TMEM181: variants seen among roughly 807,000 people sequenced by gnomAD.
The protein encoded by TMEM181 is G protein-coupled receptor 178.
TMEM181 carries 39 observed loss-of-function variants against 71.9 expected under a neutral mutation model. The observed-to-expected ratio is 0.54, with a 90% CI of 0.42 to 0.71. The LOEUF (loss-of-function observed/expected upper bound fraction) is 0.71, where lower values mean the gene tolerates loss of function less well. TMEM181 is among the 30% of genes least tolerant of loss of function. The pLI, the probability that TMEM181 is intolerant of heterozygous loss-of-function variation, is 0.00. For synonymous variants in TMEM181, 245 were observed against 228.8 expected, an observed-to-expected ratio of 1.07 and a Z score of -0.64; for missense variants, 595 against 583.0, an observed-to-expected ratio of 1.02 and a Z score of -0.21.
intron 6 of TMEM181, among the ~76,000 whole-genome samples, chr6:158,593,128 C>T (rs147582926): frequency 3.3e-3 from 507 of 152,246 alleles, no homozygotes; most frequent in African/African-American, 0.011. Context: ...GAAGTAGAAA[C>T]ATACACAGTG....
At position 158,615,075 on chromosome 6, in the gene TMEM181, A is replaced by G. The variant is rs144001241; in HGVS notation, c.896+6325A>G. On this transcript the variant is annotated intron_variant, in intron 10 of 16. Transcript: ENST00000684151. ...GAGGAATTGCCACACTGTCTTCCAC[A>G]ACGGTTGAACTAGTTTACACTCCCA... Among the ~76,000 whole-genome samples, 68 of 152,282 alleles carry G rather than the reference A, an allele frequency of 4.5e-4. 1 individual carries two copies. The East Asian group carries it at 0.013, about 28-fold the overall frequency.
At position 158,633,655 on chromosome 6, in the gene TMEM181, T is replaced by C. The variant is rs1423695207; in HGVS notation, c.*1767T>C. 6.6e-6 allele frequency: 1 copy of C among 152,242 alleles called. No homozygotes were observed. Among genetic ancestry groups the C allele is most frequent in the Non-Finnish European group, 1.5e-5 (1 of 68,040 alleles). 9.4% of individuals were successfully genotyped at this position (152,242 alleles called of 1,614,324 possible). A position where few individuals can be genotyped will look rare whatever the true frequency, so the allele number is the denominator to read the frequency against. On this transcript the variant is annotated 3_prime_UTR_variant, in exon 17 of 17. Coordinates refer to ENST00000684151, the MANE Select transcript of TMEM181 (RefSeq NM_001376852.1). ...ATTTGTTATGACTTTCCTTTGTATC[T>C]TTCCTTTTAATTTAAACTTTAATGA... is the stretch of plus-strand genomic sequence containing the variant.
chr6:158,550,236 G>A (rs1781674546), intron 1 of TMEM181, among the ~76,000 whole-genome samples: 1 of 151,680 alleles, frequency 6.6e-6, no homozygotes, highest in Non-Finnish European at 1.5e-5. Context: ...TAAGAGACAG[G>A]GTTTCACCAT....
intron 2 of TMEM181, among the ~76,000 whole-genome samples, chr6:158,574,679 A>G (rs1423413385): frequency 6.6e-6 from 1 of 152,238 alleles, no homozygotes; most frequent in Non-Finnish European, 1.5e-5. Context: ...CTTTCCATAC[A>G]GTACTCTATT....
chr6:158,537,178 CG>C (rs1316328396), intron 1 of TMEM181, among the ~76,000 whole-genome samples: 1 of 152,032 alleles, frequency 6.6e-6, no homozygotes, highest in Non-Finnish European at 1.5e-5. Context: ...AAAGGAGCTG[CG>C]GGTTGTGGCT....
At chr6:158,587,481 T>A (rs1315448359) in intron 5 of TMEM181, among the ~76,000 whole-genome samples, 2 of 152,172 alleles carry the variant, frequency 1.3e-5, no homozygotes, top group African/African-American at 4.8e-5. Flanking sequence ...CAGAGATATT[T>A]ACCACCCTCT....
intron 1 of TMEM181, among the ~76,000 whole-genome samples, chr6:158,539,876 C>A (rs1388855387): frequency 1.3e-5 from 2 of 152,138 alleles, no homozygotes; most frequent in Non-Finnish European, 2.9e-5. Flanking sequence ...CTGGACAATC[C>A]GTTTCCACAT....
intron 10 of TMEM181, chr6:158,611,716 TG>T (rs1435927428): frequency 8.4e-6 from 2 of 238,918 alleles, no homozygotes; most frequent in Non-Finnish European, 1.7e-5. Context: ...CGGGGAGGAA[TG>T]TAAGAGTTAA....
intron 1 of TMEM181, among the ~76,000 whole-genome samples, chr6:158,570,103 T>C (rs1296404235): frequency 6.6e-6 from 1 of 152,138 alleles, no homozygotes; most frequent in Non-Finnish European, 1.5e-5. Context: ...GTCTTGGGAC[T>C]GTGGCTGCCC....
chr6:158,585,310 C>T lies in TMEM181; in HGVS notation c.266C>T (p.Ser89Phe). 6.2e-7 allele frequency: 1 copy of T among 1,601,252 alleles called. No individual in the cohort carries two copies. The highest frequency in any genetic ancestry group is 8.5e-7 in the Non-Finnish European group (1 of 1,175,716). The change falls in exon 5 of 17, where the codon TCT (serine) becomes TTT (phenylalanine). Residue 89 changes from serine to phenylalanine, a missense_variant. Transcript: ENST00000684151. ...GAATTTTTTTCTTTTGTAGAAACTT[C>T]TATTAAGACAAGCTTTCCCATGACT... ...VVELDQSKET[S>F]IKTSFPMTVK...
chr6:158,569,799 C>T (rs1210419989), intron 1 of TMEM181, among the ~76,000 whole-genome samples: 1 of 152,102 alleles, frequency 6.6e-6, no homozygotes, highest in African/African-American at 2.4e-5. Flanking sequence ...GGGGTTTCAC[C>T]ATGTTGGCCA....
chr6:158,582,453 A>G (rs528550477), intron 3 of TMEM181, among the ~76,000 whole-genome samples: 3 of 152,320 alleles, frequency 2.0e-5, no homozygotes, highest in South Asian at 4.1e-4. Context: ...ACACAAAAAC[A>G]CATTCACTTG....
chr6:158,574,526 C>T (rs1562629497), intron 2 of TMEM181, among the ~76,000 whole-genome samples: 2 of 152,132 alleles, frequency 1.3e-5, no homozygotes, highest in Admixed American at 6.5e-5. Context: ...CCTCAGCCAC[C>T]TTCTGTTATT....
At chr6:158,559,990 C>A (rs901129165), upstream of TMEM181, 44 of 940,330 alleles carry the variant, frequency 4.7e-5, no homozygotes, top group Admixed American at 1.2e-4. Flanking sequence ...AGGAGGGCCA[C>A]CCCCCTCGCC....
chr6:158,629,600 T>C (rs36092159), intron 14 of TMEM181, 130 bp from the exon 15 acceptor site: 109,304 of 719,382 alleles, frequency 0.15, 9,143 homozygotes, highest in African/African-American at 0.22. Context: ...GTCTGGGTAA[T>C]GGACCCCCGG....
intron 6 of TMEM181, among the ~76,000 whole-genome samples, chr6:158,599,854 C>T (rs1784574191): frequency 6.6e-6 from 1 of 152,274 alleles, no homozygotes. Flanking sequence ...ATTGAGCTGT[C>T]AGCTGGGCTG....
At chr6:158,573,646 G>T (rs1783002856) in intron 2 of TMEM181, 123 bp downstream of exon 2, 1 of 795,822 alleles carries the variant, frequency 1.3e-6, no homozygotes, top group Admixed American at 2.3e-5. Flanking sequence ...GGAGGGAGAA[G>T]TGTCCACAGG....
intron 7 of TMEM181, among the ~76,000 whole-genome samples, chr6:158,606,255 C>CGG (rs1562303687): frequency 6.3e-5 from 9 of 143,754 alleles, no homozygotes; most frequent in African/African-American, 1.3e-4. Context: ...GCTAGAGCCA[C>CGG]AGGGAGCTGG....
At chr6:158,553,015 C>T (rs1781765578) in intron 1 of TMEM181, among the ~76,000 whole-genome samples, 1 of 152,010 alleles carries the variant, frequency 6.6e-6, no homozygotes, top group African/African-American at 2.4e-5. Context: ...GGTGAGACCC[C>T]AGTCCTGCAA....
Sources: gnomAD v4.1 joint callset for allele counts (sites outside exome capture counted in the v4.1 genomes callset) on GRCh38, gnomAD v4.1.1 for gene constraint, MANE v1.5 for transcripts, NCBI Gene and HGNC (gene_info 2026-07-23, HGNC 2026-07-21) for gene names.